FAXC: variants seen among roughly 807,000 people sequenced by gnomAD.
FAXC encodes the protein failed axon connections homolog, metaxin like GST domain containing.
In FAXC, 10 loss-of-function variants were observed where a neutral mutation model predicts 41.9. The ratio of observed to expected loss-of-function variants is 0.24; its 90% CI spans 0.15 to 0.41. The LOEUF (loss-of-function observed/expected upper bound fraction) is 0.41, where lower values mean the gene tolerates loss of function less well. Ranked by LOEUF, FAXC falls within the 10% of genes least tolerant of loss-of-function variation. The probability of loss-of-function intolerance (pLI) is 1.00; values close to 1 mark genes in which losing one functional copy is unlikely to be tolerated. For synonymous variants in FAXC, 183 were observed against 183.8 expected (o/e 1.00, Z 0.03); for missense variants, 399 against 510.9 (o/e 0.78, Z 2.11).
In FAXC at chr6:99,277,033, A is replaced by G. The variant is rs1242041374; in HGVS notation, c.*4131T>C. On this transcript the variant is annotated 3_prime_UTR_variant, in exon 6 of 6. Coordinates refer to ENST00000389677, the MANE Select transcript of FAXC (RefSeq NM_032511.4). ...CGAAGTCAGACCTTGAGAGATGGGC[A>G]TGACTTGGGCCAGTGGAGCAGAGAA... 1 of 152,294 alleles carries G rather than the reference A, an allele frequency of 6.6e-6. No homozygotes were observed. Among genetic ancestry groups the G allele is most frequent in the Non-Finnish European group, 1.5e-5 (1 of 68,088 alleles). The allele number at this position is 152,294 out of a possible 1,614,324, so 9.4% of individuals were successfully genotyped here. A position where few individuals can be genotyped will look rare whatever the true frequency, so the allele number is the denominator to read the frequency against.
chr6:99,309,950 G>A (rs984804053), intron 4 of FAXC: 2 of 977,108 alleles, frequency 2.0e-6, no homozygotes, highest in African/African-American at 1.8e-5. Context: ...AAGTTCTACT[G>A]GAACAGAAGA....
chr6:99,312,983 TG>T (rs1772204292), intron 4 of FAXC, among the ~76,000 whole-genome samples: 1 of 152,214 alleles, frequency 6.6e-6, no homozygotes, highest in African/African-American at 2.4e-5. Context: ...TTTTTTAGCT[TG>T]CATTTCTCTG....
chr6:99,339,327 A>G (rs912865408), intron 2 of FAXC, among the ~76,000 whole-genome samples: 3 of 152,230 alleles, frequency 2.0e-5, no homozygotes, highest in African/African-American at 7.2e-5. Flanking sequence ...GGACCAGAGT[A>G]GTTTGGGGAT....
intron 4 of FAXC, among the ~76,000 whole-genome samples, chr6:99,298,428 T>C (rs1017455414): frequency 4.6e-5 from 7 of 152,092 alleles, no homozygotes; most frequent in Non-Finnish European, 1.0e-4. Context: ...TCTGATTCAG[T>C]AGGTACAGAG....
chr6:99,340,372 A>G (rs1773379621), intron 2 of FAXC, among the ~76,000 whole-genome samples: 1 of 152,138 alleles, frequency 6.6e-6, no homozygotes, highest in South Asian at 2.1e-4. Flanking sequence ...AAGTGCTGGG[A>G]TTACAGGCAT....
At chr6:99,290,605 G>C (rs1017430046) in intron 5 of FAXC, among the ~76,000 whole-genome samples, 1 of 151,574 alleles carries the variant, frequency 6.6e-6, no homozygotes, top group African/African-American at 2.4e-5. Flanking sequence ...AGGAGGCTGA[G>C]GCAGGAGAAT....
At chr6:99,333,771 C>T (rs936819799) in intron 2 of FAXC, among the ~76,000 whole-genome samples, 14 of 151,906 alleles carry the variant, frequency 9.2e-5, no homozygotes, top group Middle Eastern at 3.4e-3. Flanking sequence ...CAGATTCTAT[C>T]GTGGACTTTG....
chr6:99,334,318 T>C (rs1319387797), intron 2 of FAXC, among the ~76,000 whole-genome samples: 3 of 152,208 alleles, frequency 2.0e-5, no homozygotes, highest in African/African-American at 7.2e-5. Context: ...GGGGATGTTA[T>C]AGGGGCTGCT....
chr6:99,275,633 T>C lies in FAXC; in HGVS notation c.*5531A>G, dbSNP rs1228371808. On this transcript the variant is annotated 3_prime_UTR_variant, in exon 6 of 6. Transcript: ENST00000389677. Reference sequence around the variant, plus strand: ...TCAGCTCCAAAACAGCTGAACCCCTTTTTTTTAAATCTATGCTTCAGTGCC... The same window carrying C: ...TCAGCTCCAAAACAGCTGAACCCCTCTTTTTTAAATCTATGCTTCAGTGCC... 6.6e-6 allele frequency: 1 copy of C among 152,078 alleles called. No individual in the cohort carries two copies. The highest frequency in any genetic ancestry group is 1.5e-5 in the Non-Finnish European group (1 of 67,996). The allele number at this position is 152,078 out of a possible 1,614,324, so 9.4% of individuals were successfully genotyped here. A position where few individuals can be genotyped will look rare whatever the true frequency, so the allele number is the denominator to read the frequency against.
At chr6:99,286,474 T>C (rs1192878557) in intron 5 of FAXC, among the ~76,000 whole-genome samples, 1 of 152,228 alleles carries the variant, frequency 6.6e-6, no homozygotes, top group Non-Finnish European at 1.5e-5. Context: ...TTTTCCACTT[T>C]TTAATCTATC....
intron 2 of FAXC, among the ~76,000 whole-genome samples, chr6:99,339,075 C>G (rs1773322685): frequency 6.6e-6 from 1 of 152,232 alleles, no homozygotes; most frequent in Admixed American, 6.5e-5. Flanking sequence ...CCCCCTTCCC[C>G]TCTTCTCTAC....
At chr6:99,297,682 G>A (rs1364352850) in intron 4 of FAXC, among the ~76,000 whole-genome samples, 1 of 151,702 alleles carries the variant, frequency 6.6e-6, no homozygotes, top group Non-Finnish European at 1.5e-5. Flanking sequence ...CTCCAGACCT[G>A]GGCAGGACAA....
chr6:99,312,204 G>C (rs546875525), intron 4 of FAXC, among the ~76,000 whole-genome samples: 211 of 152,300 alleles, frequency 1.4e-3, no homozygotes, highest in Non-Finnish European at 2.6e-3. Context: ...TCCAGCTGAG[G>C]AAACACTCAA....
chr6:99,318,610 G>T (rs572182338), intron 4 of FAXC, among the ~76,000 whole-genome samples: 1 of 152,254 alleles, frequency 6.6e-6, no homozygotes, highest in South Asian at 2.1e-4. Context: ...TTCCAATGAA[G>T]TTGTGTTACA....
intron 4 of FAXC, among the ~76,000 whole-genome samples, chr6:99,307,590 T>C (rs909826445): frequency 2.0e-5 from 3 of 151,390 alleles, no homozygotes; most frequent in African/African-American, 7.3e-5. Flanking sequence ...AAGGGTGGGG[T>C]GTTGCGGGCT....
chr6:99,319,374 G>T lies in FAXC; in HGVS notation c.823+4070C>A, dbSNP rs148801922. Among the ~76,000 whole-genome samples the T allele has an allele frequency of 6.2e-3, 929 of 149,234 alleles. 10 individuals are homozygous for T. The highest frequency in any genetic ancestry group is 0.018 in the African/African-American group (720 of 40,080). On this transcript the variant is annotated intron_variant, in intron 4 of 5. Coordinates refer to ENST00000389677, the MANE Select transcript of FAXC (RefSeq NM_032511.4). Reference sequence around the variant, plus strand: ...AGATTGCACCACTGCACTCTAGCCTGGGCGACAGAGCGAGACTCCGTCTCA... The same window carrying T: ...AGATTGCACCACTGCACTCTAGCCTTGGCGACAGAGCGAGACTCCGTCTCA...
In FAXC at chr6:99,278,032, C is replaced by T. The variant is rs548367652; in HGVS notation, c.*3132G>A. On this transcript the variant is annotated 3_prime_UTR_variant, in exon 6 of 6. Coordinates refer to ENST00000389677, the MANE Select transcript of FAXC (RefSeq NM_032511.4). ...GCTATTTCACAAAAATATACCCTAA[C>T]ACCACAGTATACATGGGCAGGGCTC... The T allele has an allele frequency of 2.0e-5, 3 of 152,308 alleles. No individual in the cohort carries two copies. The East Asian group carries it at 5.8e-4, about 29-fold the overall frequency. 9.4% of individuals were successfully genotyped at this position (152,308 alleles called of 1,614,324 possible).
chr6:99,284,598 T>TGTGTGTGTGTGAGTGA (rs34495212), intron 5 of FAXC, among the ~76,000 whole-genome samples: 1 of 142,856 alleles, frequency 7.0e-6, no homozygotes, highest in African/African-American at 2.6e-5. Context: ...TGTGTGTGTG[T>TGTGTGTGTGTGAGTGA]GATAAGCCTG....
rs1770728704 is a variant in FAXC at position 99,279,019 on chromosome 6, G to C, written c.*2145C>G. 6.6e-6 allele frequency: 1 copy of C among 152,088 alleles called. No individual in the cohort carries two copies. Among genetic ancestry groups the C allele is most frequent in the Non-Finnish European group, 1.5e-5 (1 of 68,018 alleles). The allele number at this position is 152,088 out of a possible 1,614,324, so 9.4% of individuals were successfully genotyped here. On this transcript the variant is annotated 3_prime_UTR_variant, in exon 6 of 6. Transcript: ENST00000389677. ...TTCTACTAAAATGTGGTGGGAAAAGGACAACCCATGCTTTGTGGAGACAGG... is the reference window on the plus strand; with the variant it reads ...TTCTACTAAAATGTGGTGGGAAAAGCACAACCCATGCTTTGTGGAGACAGG...
Sources: gnomAD v4.1 joint callset for allele counts (sites outside exome capture counted in the v4.1 genomes callset) on GRCh38, gnomAD v4.1.1 for gene constraint, MANE v1.5 for transcripts, NCBI Gene and HGNC (gene_info 2026-07-23, HGNC 2026-07-21) for gene names.